SPATS2: variants seen among roughly 807,000 people sequenced by gnomAD.
The protein encoded by SPATS2 is spermatogenesis-associated serine-rich protein 2.
In SPATS2, 38 loss-of-function variants were observed where a neutral mutation model predicts 63.7. The observed-to-expected ratio is 0.60, with a 90% CI of 0.46 to 0.78. SPATS2 has a LOEUF of 0.78. Among genes scored for constraint, SPATS2 ranks in the 30% least tolerant of loss-of-function variants. The pLI is 0.00. For missense variants in SPATS2, 588 were observed against 666.2 expected (o/e 0.88, Z 1.29); for synonymous variants, 207 against 232.9 (o/e 0.89, Z 1.01).
At chr12:49,472,611 TTA>T (rs139641031) in intron 3 of SPATS2, among the ~76,000 whole-genome samples, 260 of 145,094 alleles carry the variant, frequency 1.8e-3, no homozygotes, top group African/African-American at 4.8e-3. Flanking sequence ...TTTATATATT[TTA>T]TATATATATA....
chr12:49,371,850 T>G (rs926436692), intron 2 of SPATS2, among the ~76,000 whole-genome samples: 2 of 151,780 alleles, frequency 1.3e-5, no homozygotes, highest in African/African-American at 4.8e-5. Flanking sequence ...ACCCCAATAT[T>G]CCAGTCACCT....
intron 9 of SPATS2, among the ~76,000 whole-genome samples, chr12:49,503,039 A>G (rs923496447): frequency 1.3e-5 from 2 of 152,166 alleles, no homozygotes; most frequent in Non-Finnish European, 2.9e-5. Context: ...GTCATATAAG[A>G]TATTGTTGGC....
chr12:49,496,078 AT>A (rs745326567), intron 7 of SPATS2, among the ~76,000 whole-genome samples: 9 of 152,150 alleles, frequency 5.9e-5, no homozygotes, highest in Non-Finnish European at 1.2e-4. Context: ...CCAATATAAG[AT>A]TTATGCTGTG....
intron 2 of SPATS2, among the ~76,000 whole-genome samples, chr12:49,378,722 A>G (rs1310306786): frequency 2.0e-5 from 3 of 152,078 alleles, no homozygotes; most frequent in African/African-American, 7.2e-5. Context: ...CTGTCTCCCA[A>G]GTAGCTGGGA....
chr12:49,483,459 T>C (rs1946239427), intron 3 of SPATS2, among the ~76,000 whole-genome samples: 1 of 152,188 alleles, frequency 6.6e-6, no homozygotes, highest in Non-Finnish European at 1.5e-5. Flanking sequence ...CCATATTATA[T>C]AGTCATCTAG....
rs10601423 is a variant in SPATS2, at chr12:49,375,141, A to AGT, written c.-244+3905_-244+3906dup. The stretch of plus-strand genomic sequence containing the variant: ...CAAGATGTATGATTGCAAGTTGTGG[A>AGT]GTGTGTGTGTGTGTGTGTGTGTGTG... On this transcript the variant is annotated intron_variant, in intron 2 of 13. Coordinates refer to ENST00000552918, the MANE Select transcript of SPATS2 (RefSeq NM_023071.4). 5.4e-3 allele frequency among the ~76,000 whole-genome samples: 662 copies of AGT among 123,364 alleles called. 6 individuals are homozygous for AGT. Among genetic ancestry groups the AGT allele is most frequent in the East Asian group, 0.026 (101 of 3,938 alleles). 80.9% of individuals were successfully genotyped at this position (123,364 alleles called of 152,430 possible). A position where few individuals can be genotyped will look rare whatever the true frequency, so the allele number is the denominator to read the frequency against.
rs80159830 is a variant in SPATS2, at chr12:49,473,581, A to G, written c.26-11009A>G. ...TCAACAGAAGTGCATTCCTAGGTAC[A>G]CCGTAACACTTGTACAAGAATATTG... is the stretch of plus-strand genomic sequence containing the variant. On this transcript the variant is annotated intron_variant, in intron 3 of 13. Transcript: ENST00000552918. Among the ~76,000 whole-genome samples, 41 of 152,354 alleles carry G rather than the reference A, an allele frequency of 2.7e-4. No individual in the cohort carries two copies. In the East Asian group the frequency reaches 7.7e-3, roughly 29 times the overall value.
At chr12:49,490,575 G>A in intron 5 of SPATS2, 107 bp from the exon 6 acceptor site, 1 of 1,033,856 alleles carries the variant, frequency 9.7e-7, no homozygotes, top group East Asian at 2.4e-5. Context: ...TTTTCTGTTA[G>A]GAGCTTTGTA....
intron 6 of SPATS2, among the ~76,000 whole-genome samples, chr12:49,491,910 G>A (rs955508903): frequency 2.0e-5 from 3 of 152,172 alleles, no homozygotes; most frequent in African/African-American, 7.2e-5. Context: ...TTTTAATCAA[G>A]TATCTCTGTG....
intron 2 of SPATS2, among the ~76,000 whole-genome samples, chr12:49,423,223 C>G (rs1412619347): frequency 2.0e-5 from 3 of 151,744 alleles, no homozygotes; most frequent in Non-Finnish European, 4.4e-5. Context: ...GTGTCTGCCT[C>G]ATGGGTTCAA....
chr12:49,511,006 A>C (rs1212989594), intron 9 of SPATS2, among the ~76,000 whole-genome samples: 1 of 152,164 alleles, frequency 6.6e-6, no homozygotes, highest in Non-Finnish European at 1.5e-5. Context: ...GTTTGAGACC[A>C]GCCTGGCAAC....
chr12:49,485,711 C>T (rs1368809535), intron 4 of SPATS2, among the ~76,000 whole-genome samples: 3 of 151,208 alleles, frequency 2.0e-5, no homozygotes, highest in Non-Finnish European at 2.9e-5. Flanking sequence ...GTAATGAAAC[C>T]GTCAACGAGC....
At chr12:49,493,343 A>G (rs1038791636) in intron 6 of SPATS2, among the ~76,000 whole-genome samples, 11 of 151,974 alleles carry the variant, frequency 7.2e-5, no homozygotes, top group South Asian at 2.1e-4. Flanking sequence ...TGCCTATGCA[A>G]TATACTCACA....
At chr12:49,462,184 A>G (rs550754298) in intron 3 of SPATS2, 88 of 623,302 alleles carry the variant, frequency 1.4e-4, no homozygotes, top group African/African-American at 1.2e-3. Flanking sequence ...AGAGCTGTAG[A>G]AAAAAAGTAT....
At chr12:49,507,155 C>T (rs1946668037) in intron 9 of SPATS2, among the ~76,000 whole-genome samples, 1 of 152,150 alleles carries the variant, frequency 6.6e-6, no homozygotes, top group Non-Finnish European at 1.5e-5. Flanking sequence ...ATTCTTAAGT[C>T]ACAACTTGTA....
At chr12:49,505,979 T>A (rs1428098594) in intron 9 of SPATS2, among the ~76,000 whole-genome samples, 2 of 152,068 alleles carry the variant, frequency 1.3e-5, no homozygotes, top group African/African-American at 4.8e-5. Flanking sequence ...GTGATACACA[T>A]TCAGTAGAAA....
At chr12:49,437,227 G>C (rs1945326005) in intron 2 of SPATS2, among the ~76,000 whole-genome samples, 1 of 151,738 alleles carries the variant, frequency 6.6e-6, no homozygotes, top group African/African-American at 2.4e-5. Flanking sequence ...TCACATCCCA[G>C]ACGGGGCGGC....
intron 3 of SPATS2, among the ~76,000 whole-genome samples, chr12:49,468,439 C>A (rs1462655254): frequency 1.3e-5 from 2 of 150,242 alleles, no homozygotes; most frequent in African/African-American, 4.9e-5. Context: ...GGATTACAGG[C>A]GTGAACCACT....
At chr12:49,468,409 C>T (rs912667895) in intron 3 of SPATS2, among the ~76,000 whole-genome samples, 40 of 152,284 alleles carry the variant, frequency 2.6e-4, no homozygotes, top group African/African-American at 9.6e-4. Context: ...ATCTGCCTGC[C>T]TCGACCTCCC....
Sources: gnomAD v4.1 joint callset for allele counts (sites outside exome capture counted in the v4.1 genomes callset) on GRCh38, gnomAD v4.1.1 for gene constraint, MANE v1.5 for transcripts, NCBI Gene and HGNC (gene_info 2026-07-23, HGNC 2026-07-21) for gene names.